Variants in MYL4 observed in about 807,000 individuals in gnomAD.
The protein encoded by MYL4 is atrial myosin light chain 1.
Under a neutral mutation model 21.6 loss-of-function variants are expected in MYL4, and 16 were observed. That is an observed-to-expected ratio of 0.74 (90% CI 0.50 to 1.12). The LOEUF (loss-of-function observed/expected upper bound fraction) is 1.12, where lower values mean the gene tolerates loss of function less well. Ranked by LOEUF, MYL4 falls within the 50% of genes most tolerant of loss-of-function variation. The pLI, the probability that MYL4 is intolerant of heterozygous loss-of-function variation, is 0.00. For synonymous variants in MYL4, 82 were observed against 95.7 expected (o/e 0.86, Z 0.83); for missense variants, 249 against 252.9 (o/e 0.98, Z 0.11).
rs1479669375 is a variant in MYL4, at chr17:47,214,631, A to C, written c.163+805A>C. 4.6e-5 allele frequency among the ~76,000 whole-genome samples: 7 copies of C among 152,378 alleles called. No homozygotes were observed. The East Asian group carries it at 1.3e-3, about 29-fold the overall frequency. On this transcript the variant is annotated intron_variant, in intron 2 of 6. Transcript: ENST00000393450. Reference sequence around the variant, plus strand: ...GCAAAAAAGCACACACATATTACTTAAAAGTAAATAATAAAAAATAAAAAT... The same window carrying C: ...GCAAAAAAGCACACACATATTACTTCAAAGTAAATAATAAAAAATAAAAAT...
At chr17:47,209,693 A>C in intron 1 of MYL4, 136 bp downstream of exon 1, 1 of 1,335,384 alleles carries the variant, frequency 7.5e-7, no homozygotes, top group Non-Finnish European at 1.1e-6. Context: ...TCGCAGTCCC[A>C]TGGGGCAGTG....
chr17:47,195,030 G>A, the MYL4 span, among the ~76,000 whole-genome samples: 1 of 149,466 alleles, frequency 6.7e-6, no homozygotes, highest in East Asian at 2.0e-4. Context: ...CGTGAGCCAC[G>A]GTGCCCAGCC....
At position 47,203,230 on chromosome 17, in the gene MYL4, GC is replaced by G. The variant is rs530592104; in HGVS notation, c.-35+2645del. Among the ~76,000 whole-genome samples, 895 of 152,194 alleles carry G rather than the reference GC, an allele frequency of 5.9e-3. 3 individuals carry two copies. The highest frequency in any genetic ancestry group is 8.6e-3 in the Non-Finnish European group (582 of 68,004). On this transcript the variant is annotated intron_variant and NMD_transcript_variant, in intron 1 of 6. Coordinates refer to the MYL4 transcript ENST00000571981. ...CCTCCCAAAGTGCTGGGAATACTGG[GC>G]TAAAACATTTCGACTTCTATCTTTC...
intron 2 of MYL4, among the ~76,000 whole-genome samples, chr17:47,217,368 G>C (rs753041639): frequency 2.8e-4 from 42 of 152,022 alleles, no homozygotes; most frequent in Non-Finnish European, 5.6e-4. Flanking sequence ...TGAGGCAGGA[G>C]AATTGCTTGA....
Position 47,220,009 on chromosome 17 carries a change from C to T in MYL4, c.269C>T (p.Thr90Ile), listed in dbSNP as rs1387376053. 3 of 1,614,078 alleles carry T rather than the reference C, an allele frequency of 1.9e-6. No individual in the cohort carries two copies. The highest frequency in any genetic ancestry group is 2.2e-5 in the South Asian group (2 of 91,082). The change falls in exon 3 of 7, where the codon ACC becomes ATC. Residue 90 changes from threonine (T) to isoleucine (I), a missense_variant. Physicochemically the swap from Thr to Ile is moderately conservative, Grantham distance 89. Coordinates refer to ENST00000393450, the MANE Select transcript of MYL4 (RefSeq NM_002476.2). ...CTGCGGGCCCTGGGCCAGAACCCTA[C>T]CAATGCCGAGGTGCTGCGTGTGCTG... Reference protein sequence around the residue: ...DVLRALGQNPTNAEVLRVLGK... With the variant: ...DVLRALGQNPINAEVLRVLGK...
At chr17:47,219,711 G>C (rs953305676) in intron 2 of MYL4, among the ~76,000 whole-genome samples, 193 bp from the exon 3 acceptor site, 1 of 152,154 alleles carries the variant, frequency 6.6e-6, no homozygotes, top group Non-Finnish European at 1.5e-5. Context: ...GAGGCACCAG[G>C]CTGCTTCTTT....
upstream of MYL4, among the ~76,000 whole-genome samples, chr17:47,199,033 C>T (rs2064699615): frequency 6.7e-6 from 1 of 150,288 alleles, no homozygotes; most frequent in Non-Finnish European, 1.5e-5. Context: ...GGGAGATCAA[C>T]ACCATCCTGG....
upstream of MYL4, among the ~76,000 whole-genome samples, chr17:47,198,270 C>A (rs1250591322): frequency 6.6e-6 from 1 of 152,124 alleles, no homozygotes; most frequent in African/African-American, 2.4e-5. Context: ...ATTCCTTGAC[C>A]TGAAGGCATT....
chr17:47,205,861 C>G (rs887897442), upstream of MYL4, among the ~76,000 whole-genome samples: 1 of 152,198 alleles, frequency 6.6e-6, no homozygotes, highest in Non-Finnish European at 1.5e-5. Flanking sequence ...CTTTCCACCT[C>G]TTCCTCATTC....
chr17:47,213,590 C>T (rs1409881531), intron 1 of MYL4, among the ~76,000 whole-genome samples: 3 of 152,006 alleles, frequency 2.0e-5, no homozygotes, highest in African/African-American at 4.8e-5. Flanking sequence ...GGAGGAGGGC[C>T]GACGGTATTT....
At position 47,214,680 on chromosome 17, in the gene MYL4, C is replaced by T. The variant is rs540832093; in HGVS notation, c.163+854C>T. 5.9e-5 allele frequency among the ~76,000 whole-genome samples: 9 copies of T among 152,296 alleles called. No individual in the cohort carries two copies. The South Asian group carries it at 1.9e-3, about 32-fold the overall frequency. On this transcript the variant is annotated intron_variant, in intron 2 of 6. Coordinates refer to ENST00000393450, the MANE Select transcript of MYL4 (RefSeq NM_002476.2). Reference sequence around the variant, plus strand: ...ATCCTTTTTTTCCATGCTGATTCCTCTCCCAAAGACAACCACTGTGAACAG... The same window carrying T: ...ATCCTTTTTTTCCATGCTGATTCCTTTCCCAAAGACAACCACTGTGAACAG...
intron 1 of MYL4, 56 bp downstream of exon 1, chr17:47,209,613 G>T (rs767762335): frequency 2.5e-5 from 40 of 1,613,776 alleles, no homozygotes; most frequent in Non-Finnish European, 3.4e-5. Flanking sequence ...GAGTCCTTTT[G>T]CTCTGGAGCT....
chr17:47,201,424 G>C (rs16941650), intron 1 of MYL4, among the ~76,000 whole-genome samples: 1 of 151,446 alleles, frequency 6.6e-6, no homozygotes, highest in Non-Finnish European at 1.5e-5. Flanking sequence ...TCCATGCAAC[G>C]CCTTTCTTGT....
chr17:47,208,547 C>A (rs945144580), upstream of MYL4, among the ~76,000 whole-genome samples: 1 of 123,302 alleles, frequency 8.1e-6, no homozygotes, highest in South Asian at 2.6e-4. Context: ...TAGTAGTAAG[C>A]ACTACACACA....
At chr17:47,222,498 G>T in intron 5 of MYL4, 41 bp downstream of exon 5, 1 of 1,599,084 alleles carries the variant, frequency 6.3e-7, no homozygotes, top group Non-Finnish European at 8.6e-7. Context: ...GCCAGGGATG[G>T]TAGGATGGGA....
At chr17:47,208,180 C>G (rs762358893), upstream of MYL4, among the ~76,000 whole-genome samples, 2 of 152,072 alleles carry the variant, frequency 1.3e-5, no homozygotes, top group Non-Finnish European at 2.9e-5. Flanking sequence ...TTTGGAAGAC[C>G]GAGGCTAGTG....
chr17:47,213,930 T>G (rs1204328485), intron 2 of MYL4, 104 bp downstream of exon 2: 2 of 1,309,630 alleles, frequency 1.5e-6, no homozygotes, highest in Admixed American at 3.4e-5. Flanking sequence ...GTAATAGTAA[T>G]CACTGTCATC....
chr17:47,205,343 T>C (rs1410701042), upstream of MYL4, among the ~76,000 whole-genome samples: 1 of 152,040 alleles, frequency 6.6e-6, no homozygotes, highest in African/African-American at 2.4e-5. Flanking sequence ...CTTCTTTCCT[T>C]GGCTCTGATG....
chr17:47,195,668 C>G (rs2149036304), upstream of MYL4, among the ~76,000 whole-genome samples: 1 of 152,294 alleles, frequency 6.6e-6, no homozygotes, highest in Non-Finnish European at 1.5e-5. Context: ...CTGCACTCTC[C>G]CCAGAACCCT....
Sources: gnomAD v4.1 joint callset for allele counts (sites outside exome capture counted in the v4.1 genomes callset) on GRCh38, gnomAD v4.1.1 for gene constraint, MANE v1.5 for transcripts, NCBI Gene and HGNC (gene_info 2026-07-23, HGNC 2026-07-21) for gene names.